Variants in TYW1 observed in about 807,000 individuals in gnomAD.
The protein encoded by TYW1 is tRNA-yW synthesizing protein 1 homolog, also known as S-adenosyl-L-methionine-dependent tRNA 4-demethylwyosine synthase TYW1.
Under a neutral mutation model 96.2 loss-of-function variants are expected in TYW1, and 46 were observed. The ratio of observed to expected loss-of-function variants is 0.48; its 90% confidence interval spans 0.38 to 0.61. TYW1 has a LOEUF of 0.61. TYW1 is among the 20% of genes least tolerant of loss of function. The pLI is 0.00. For missense variants in TYW1, 684 were observed against 909.6 expected (o/e 0.75, Z 3.19); for synonymous variants, 274 against 323.0 (o/e 0.85, Z 1.63).
intron 4 of TYW1, among the ~76,000 whole-genome samples, chr7:67,013,691 T>A (rs1397880299): frequency 2.0e-5 from 3 of 151,908 alleles, no homozygotes; most frequent in African/African-American, 7.3e-5. Flanking sequence ...CCCCAGTGTG[T>A]TCTTCCATTA....
intron 15 of TYW1, among the ~76,000 whole-genome samples, chr7:67,217,441 G>A (rs1203161929): frequency 6.6e-6 from 1 of 152,166 alleles, no homozygotes; most frequent in Non-Finnish European, 1.5e-5. Context: ...TGCATGTGGT[G>A]TTAGATAAGG....
chr7:67,211,507 G>T (rs1801024387), intron 15 of TYW1, among the ~76,000 whole-genome samples: 1 of 152,166 alleles, frequency 6.6e-6, no homozygotes, highest in Non-Finnish European at 1.5e-5. Context: ...TCTGGGGAAG[G>T]TATGCTCATT....
At chr7:67,057,062 T>C (rs1336318486) in intron 9 of TYW1, among the ~76,000 whole-genome samples, 1 of 150,884 alleles carries the variant, frequency 6.6e-6, no homozygotes, top group Non-Finnish European at 1.5e-5. Flanking sequence ...GTTGCCATCC[T>C]GGAGTACAGT....
chr7:67,029,498 A>C (rs1293866452), intron 7 of TYW1, among the ~76,000 whole-genome samples: 1 of 150,308 alleles, frequency 6.7e-6, no homozygotes, highest in Non-Finnish European at 1.5e-5. Flanking sequence ...CTCTGGCACC[A>C]AATGGGTATC....
chr7:67,178,132 C>G (rs911042365), intron 13 of TYW1, among the ~76,000 whole-genome samples: 2 of 151,644 alleles, frequency 1.3e-5, no homozygotes, highest in Admixed American at 6.6e-5. Flanking sequence ...CCACTGCACT[C>G]CAGCCTGAGT....
intron 4 of TYW1, among the ~76,000 whole-genome samples, chr7:67,013,047 G>A (rs1428048888): frequency 6.6e-6 from 1 of 151,574 alleles, no homozygotes; most frequent in Non-Finnish European, 1.5e-5. Context: ...ATTACTTTAT[G>A]TTTAAAACTT....
intron 13 of TYW1, among the ~76,000 whole-genome samples, chr7:67,135,984 T>C (rs2687022): frequency 6.6e-6 from 1 of 152,246 alleles, no homozygotes; most frequent in Non-Finnish European, 1.5e-5. Flanking sequence ...ATCCTGAGTA[T>C]GTATCATCTT....
Position 67,155,307 on chromosome 7 carries a change from C to G in TYW1, c.1699-27819C>G, listed in dbSNP as rs1798932785. 5.9e-5 allele frequency among the ~76,000 whole-genome samples: 9 copies of G among 152,288 alleles called. No individual in the cohort carries two copies. The South Asian group carries it at 1.9e-3, about 32-fold the overall frequency. ...CAGATCCCTCAGGAATGAGTTGGCG[C>G]TGTCCTTGTGATAGTGCGTGAGTTC... On this transcript the variant is annotated intron_variant, in intron 13 of 15. Transcript: ENST00000359626.
chr7:67,192,734 A>G (rs1224525446), intron 14 of TYW1, among the ~76,000 whole-genome samples: 5 of 152,208 alleles, frequency 3.3e-5, no homozygotes, highest in African/African-American at 1.2e-4. Flanking sequence ...CTGGAAGCCA[A>G]TACTAATTGA....
intron 15 of TYW1, among the ~76,000 whole-genome samples, chr7:67,207,717 CTTTTT>C (rs749961615): frequency 9.7e-6 from 1 of 103,462 alleles, no homozygotes; most frequent in Non-Finnish European, 1.9e-5. Flanking sequence ...TTTTGTTTGC[CTTTTT>C]TTTTTTTTTT....
intron 8 of TYW1, among the ~76,000 whole-genome samples, chr7:67,052,003 T>C (rs573871598): frequency 6.6e-6 from 1 of 152,238 alleles, no homozygotes; most frequent in Non-Finnish European, 1.5e-5. Context: ...CTGATTAGAG[T>C]TCAGCAATCA....
chr7:67,144,949 G>A (rs1798560503), intron 13 of TYW1, among the ~76,000 whole-genome samples: 1 of 151,464 alleles, frequency 6.6e-6, no homozygotes, highest in Non-Finnish European at 1.5e-5. Context: ...TCAGTCGATG[G>A]TGAGAGTCAG....
At chr7:67,167,960 G>A (rs1473502846) in intron 13 of TYW1, among the ~76,000 whole-genome samples, 4 of 151,422 alleles carry the variant, frequency 2.6e-5, no homozygotes, top group Non-Finnish European at 4.4e-5. Flanking sequence ...TCACCATCTT[G>A]GCCAGGCTTG....
intron 8 of TYW1, among the ~76,000 whole-genome samples, chr7:67,052,793 G>A (rs1329156329): frequency 6.6e-5 from 10 of 152,068 alleles, no homozygotes; most frequent in African/African-American, 2.4e-4. Flanking sequence ...GTGCAGTGGC[G>A]TGATCTTGGC....
At chr7:67,022,823 C>A (rs1794318695) in intron 6 of TYW1, among the ~76,000 whole-genome samples, 1 of 152,148 alleles carries the variant, frequency 6.6e-6, no homozygotes, top group Non-Finnish European at 1.5e-5. Flanking sequence ...GAAGACTACT[C>A]ATTTATTGAC....
chr7:67,080,005 C>T (rs997642683), intron 10 of TYW1, among the ~76,000 whole-genome samples: 7 of 151,964 alleles, frequency 4.6e-5, no homozygotes, highest in African/African-American at 1.7e-4. Context: ...TATGGTCTGC[C>T]CTGGAGAATA....
intron 7 of TYW1, among the ~76,000 whole-genome samples, chr7:67,027,179 G>A (rs1271166014): frequency 6.6e-6 from 1 of 151,192 alleles, no homozygotes; most frequent in African/African-American, 2.4e-5. Flanking sequence ...CGGCCTGCAT[G>A]ACATTGTGAG....
intron 13 of TYW1, among the ~76,000 whole-genome samples, chr7:67,181,889 C>T (rs748685603): frequency 9.2e-5 from 14 of 152,032 alleles, no homozygotes; most frequent in East Asian, 3.8e-4. Flanking sequence ...AGTGCAGTGG[C>T]GTGATCTCAG....
rs549337627 is a variant in TYW1, at chr7:67,018,440, T to G, written c.861+297T>G. On this transcript the variant is annotated intron_variant, in intron 6 of 15. Coordinates refer to ENST00000359626, the MANE Select transcript of TYW1 (RefSeq NM_018264.4). ...CCTGTTGTCTCAGCTACGTAGGAGG[T>G]GGAGTTGGGAGGATTGCTTGAGCCC... Among the ~76,000 whole-genome samples, 14 of 151,266 alleles carry G rather than the reference T, an allele frequency of 9.3e-5. No homozygotes were observed. The East Asian group carries it at 2.7e-3, about 30-fold the overall frequency.
Sources: allele counts gnomAD v4.1 joint callset (sites outside exome capture counted in the v4.1 genomes callset), GRCh38; gene constraint gnomAD v4.1.1; transcripts MANE v1.5; gene names NCBI Gene and HGNC (gene_info 2026-07-23, HGNC 2026-07-21).